The following ANKRD55 variants were observed in gnomAD, a reference collection of about 807,000 sequenced individuals.
ANKRD55 encodes the protein ankyrin repeat domain 55, also known as ankyrin repeat domain-containing protein 55.
In ANKRD55, 41 loss-of-function variants were observed where a neutral mutation model predicts 60.6. The observed-to-expected ratio is 0.68, with a 90% confidence interval of 0.53 to 0.88. ANKRD55 has a LOEUF of 0.88. Ranked by LOEUF, ANKRD55 falls within the 40% of genes least tolerant of loss-of-function variation. ANKRD55 has a pLI of 0.00. For synonymous variants in ANKRD55, 264 were observed against 290.3 expected (o/e 0.91, Z 0.92); for missense variants, 732 against 767.6 (o/e 0.95, Z 0.55).
At chr5:56,138,466 T>C (rs1251775208) in intron 7 of ANKRD55, among the ~76,000 whole-genome samples, 1 of 152,144 alleles carries the variant, frequency 6.6e-6, no homozygotes, top group Non-Finnish European at 1.5e-5. Context: ...ACCCTTATCA[T>C]AGATCCAGCA....
In ANKRD55 at chr5:56,146,199, A is replaced by AT. The variant is rs1757889839; in HGVS notation, c.484-2271dup. 7.2e-5 allele frequency among the ~76,000 whole-genome samples: 11 copies of AT among 152,142 alleles called. No individual in the cohort carries two copies. The South Asian group carries it at 2.1e-3, about 29-fold the overall frequency. On this transcript the variant is annotated intron_variant, in intron 6 of 11. Transcript: ENST00000341048. ...GCAGGGCCTTTGTTTGCCAGTCTGAATTCCTAGATCCTAGAATGGTGCCAG... is the reference window on the plus strand; with the variant it reads ...GCAGGGCCTTTGTTTGCCAGTCTGAATTTCCTAGATCCTAGAATGGTGCCAG...
At position 56,205,871 on chromosome 5, in the gene ANKRD55, C is replaced by T. The variant is rs569331817; in HGVS notation, c.59-22237G>A. On this transcript the variant is annotated intron_variant, in intron 2 of 11. Transcript: ENST00000341048. ...CTGAGCTTTGAGTTATCCCTGACAC[C>T]CTGTAGTGGCTGCATTCTGTCAGCT... 7.2e-5 allele frequency among the ~76,000 whole-genome samples: 11 copies of T among 152,168 alleles called. No individual in the cohort carries two copies. The South Asian group carries it at 2.1e-3, about 29-fold the overall frequency.
At chr5:56,193,337 G>A in intron 2 of ANKRD55, 1 of 907,104 alleles carries the variant, frequency 1.1e-6, no homozygotes, top group East Asian at 2.8e-5. Flanking sequence ...CACTGGAAAA[G>A]AAACTTTTCA....
chr5:56,220,165 G>A (rs1227463774), intron 2 of ANKRD55, among the ~76,000 whole-genome samples: 2 of 152,258 alleles, frequency 1.3e-5, no homozygotes, highest in Non-Finnish European at 2.9e-5. Context: ...CCTCCCTCTT[G>A]GGATGCATAC....
At chr5:56,100,415 C>T in intron 11 of ANKRD55, 111 bp from the exon 12 acceptor site, 2 of 1,330,982 alleles carry the variant, frequency 1.5e-6, no homozygotes, top group Non-Finnish European at 1.1e-6. Flanking sequence ...AGAAGTGTGT[C>T]TTGGTGAGAG....
At chr5:56,179,200 G>A (rs939811926) in intron 3 of ANKRD55, among the ~76,000 whole-genome samples, 1 of 152,166 alleles carries the variant, frequency 6.6e-6, no homozygotes, top group African/African-American at 2.4e-5. Flanking sequence ...CAATTAAAAT[G>A]TCTGAGTTAA....
chr5:56,146,505 G>A (rs1044489246), intron 6 of ANKRD55, among the ~76,000 whole-genome samples: 7 of 152,124 alleles, frequency 4.6e-5, no homozygotes, highest in African/African-American at 1.7e-4. Flanking sequence ...GGCTGGTCTC[G>A]AGCTCCTGAC....
intron 6 of ANKRD55, among the ~76,000 whole-genome samples, chr5:56,152,265 G>A (rs188272426): frequency 2.9e-4 from 44 of 151,082 alleles, no homozygotes; most frequent in East Asian, 3.9e-4. Flanking sequence ...TCTCAGGAAT[G>A]TGGTAAGTAG....
chr5:56,118,434 G>T (rs1475462647), intron 8 of ANKRD55, among the ~76,000 whole-genome samples: 1 of 152,020 alleles, frequency 6.6e-6, no homozygotes, highest in Non-Finnish European at 1.5e-5. Flanking sequence ...GACCATCCTG[G>T]CTAACATGAT....
intron 6 of ANKRD55, among the ~76,000 whole-genome samples, chr5:56,145,295 A>G (rs1757869726): frequency 6.6e-6 from 1 of 152,252 alleles, no homozygotes; most frequent in Non-Finnish European, 1.5e-5. Context: ...GTGCAGCCAC[A>G]TGACTGAGTC....
chr5:56,216,728 T>A (rs76071811), intron 2 of ANKRD55, among the ~76,000 whole-genome samples: 1 of 152,152 alleles, frequency 6.6e-6, no homozygotes, highest in African/African-American at 2.4e-5. Context: ...CCTAACTTTC[T>A]CCAAGTCCAT....
chr5:56,126,776 G>A, intron 8 of ANKRD55, 146 bp downstream of exon 8: 2 of 859,050 alleles, frequency 2.3e-6, no homozygotes, highest in Non-Finnish European at 3.4e-6. Flanking sequence ...CTAAAATAGA[G>A]CAATTTTTAT....
At chr5:56,116,976 T>A (rs1561254293) in intron 8 of ANKRD55, 194 bp from the exon 9 acceptor site, 2 of 507,982 alleles carry the variant, frequency 3.9e-6, no homozygotes, top group Non-Finnish European at 6.8e-6. Flanking sequence ...CTCCTCTAGC[T>A]CTAAGTATTC....
intron 8 of ANKRD55, among the ~76,000 whole-genome samples, chr5:56,119,474 G>A (rs1412695797): frequency 4.6e-5 from 7 of 152,186 alleles, no homozygotes; most frequent in Non-Finnish European, 1.5e-5. Flanking sequence ...GTTGATGTTG[G>A]AGTTGATGGA....
intron 2 of ANKRD55, among the ~76,000 whole-genome samples, chr5:56,219,138 T>C (rs1436984690): frequency 1.3e-5 from 2 of 151,892 alleles, no homozygotes; most frequent in East Asian, 3.9e-4. Context: ...CCAGGCATGG[T>C]GGCAGGCACC....
At chr5:56,109,010 C>T (rs567921230) in intron 10 of ANKRD55, among the ~76,000 whole-genome samples, 3 of 150,942 alleles carry the variant, frequency 2.0e-5, no homozygotes, top group African/African-American at 7.3e-5. Context: ...ACACTCCAGC[C>T]TGGGTGACAA....
At chr5:56,171,870 G>A (rs1353989909) in intron 4 of ANKRD55, among the ~76,000 whole-genome samples, 1 of 152,156 alleles carries the variant, frequency 6.6e-6, no homozygotes, top group Non-Finnish European at 1.5e-5. Flanking sequence ...TGTAATCCCA[G>A]CACTTTGGGA....
intron 2 of ANKRD55, among the ~76,000 whole-genome samples, chr5:56,204,073 G>C (rs1345170811): frequency 2.0e-5 from 3 of 152,106 alleles, no homozygotes; most frequent in Non-Finnish European, 2.9e-5. Flanking sequence ...GCATTTCTCT[G>C]ATGGCCAGTG....
At chr5:56,227,081 A>G (rs1581034637) in intron 2 of ANKRD55, among the ~76,000 whole-genome samples, 1 of 152,290 alleles carries the variant, frequency 6.6e-6, no homozygotes, top group African/African-American at 2.4e-5. Flanking sequence ...AAGACTTGGA[A>G]CCAACCCAAA....
Sources: allele counts gnomAD v4.1 joint callset (sites outside exome capture counted in the v4.1 genomes callset), GRCh38; gene constraint gnomAD v4.1.1; transcripts MANE v1.5; gene names NCBI Gene and HGNC (gene_info 2026-07-23, HGNC 2026-07-21).